The following EML6 variants were observed in gnomAD, a reference collection of about 807,000 sequenced individuals.
EML6 encodes the protein echinoderm microtubule-associated protein-like 6.
EML6 carries 154 observed loss-of-function variants against 240.1 expected under a neutral mutation model. The observed-to-expected ratio is 0.64, with a 90% CI of 0.56 to 0.73. EML6 has a LOEUF of 0.73. Ranked by LOEUF, EML6 falls within the 30% of genes least tolerant of loss-of-function variation. The pLI, the probability that EML6 is intolerant of heterozygous loss-of-function variation, is 0.00. For missense variants in EML6, 2,964 were observed against 2,474.6 expected (o/e 1.20, Z -4.20); for synonymous variants, 1,148 against 899.0 (o/e 1.28, Z -4.95).
intron 28 of EML6, among the ~76,000 whole-genome samples, chr2:54,934,551 T>A (rs1444989114): frequency 2.0e-5 from 3 of 151,912 alleles, no homozygotes; most frequent in Non-Finnish European, 4.4e-5. Context: ...CATATATATA[T>A]ATTTATATTT....
In EML6 at chr2:54,834,312, C is replaced by T. The variant is rs568822617; in HGVS notation, c.847+4835C>T. On this transcript the variant is annotated intron_variant, in intron 7 of 41. Transcript: ENST00000356458. ...ATCACTTTTAAAACACATTTATGAT[C>T]TGGGTAAAATAATGAAGCTTGAGTA... 2.0e-5 allele frequency among the ~76,000 whole-genome samples: 3 copies of T among 152,236 alleles called. No homozygotes were observed. In the South Asian group the frequency reaches 6.2e-4, roughly 32 times the overall value.
At chr2:54,916,073 A>C (rs1673894202) in intron 25 of EML6, among the ~76,000 whole-genome samples, 1 of 152,256 alleles carries the variant, frequency 6.6e-6, no homozygotes, top group South Asian at 2.1e-4. Context: ...GATTCATGGC[A>C]ATAGAATATG....
intron 9 of EML6, among the ~76,000 whole-genome samples, chr2:54,848,452 C>T (rs1669888051): frequency 6.6e-6 from 1 of 151,364 alleles, no homozygotes; most frequent in African/African-American, 2.4e-5. Context: ...TTTTCTTTCT[C>T]TGCTTAGTGA....
At position 54,892,318 on chromosome 2, in the gene EML6, G is replaced by A. The variant is rs916929688; in HGVS notation, c.2540-136G>A. On this transcript the variant is annotated intron_variant, in intron 18 of 41. Coordinates refer to ENST00000356458, the MANE Select transcript of EML6 (RefSeq NM_001039753.4). ...TTCTTAGAATATTTTTGTTCATGAT[G>A]TTCTCTGTCACTTTTAGACATCTTT... 135 of 631,760 alleles carry A rather than the reference G, an allele frequency of 2.1e-4. 1 individual carries two copies. Among genetic ancestry groups the A allele is most frequent in the Non-Finnish European group, 3.4e-4 (122 of 354,380 alleles). 39.1% of individuals were successfully genotyped at this position (631,760 alleles called of 1,614,324 possible).
At chr2:54,963,701 G>A (rs192070324) in intron 36 of EML6, among the ~76,000 whole-genome samples, 6 of 152,334 alleles carry the variant, frequency 3.9e-5, no homozygotes, top group Non-Finnish European at 7.3e-5. Flanking sequence ...GTGAGTAGTT[G>A]CGACAGAGAC....
chr2:54,955,231 A>C (rs918731502), intron 32 of EML6, among the ~76,000 whole-genome samples: 2 of 152,200 alleles, frequency 1.3e-5, no homozygotes, highest in Non-Finnish European at 2.9e-5. Flanking sequence ...TGTGATGTCA[A>C]GTGGCCAACT....
intron 26 of EML6, among the ~76,000 whole-genome samples, chr2:54,924,201 A>G (rs529951308): frequency 6.6e-6 from 1 of 152,320 alleles, no homozygotes. Context: ...ACCTTTTTCC[A>G]AAGTTGTATC....
chr2:54,827,911 A>G (rs1211841635), intron 6 of EML6, among the ~76,000 whole-genome samples, 160 bp downstream of exon 6: 2 of 152,218 alleles, frequency 1.3e-5, no homozygotes, highest in East Asian at 3.8e-4. Context: ...CACCTAAAGG[A>G]AAATATATTT....
intron 2 of EML6, among the ~76,000 whole-genome samples, chr2:54,779,865 GA>G (rs3036161): frequency 0.28 from 32,055 of 113,462 alleles, 4,403 homozygotes; most frequent in East Asian, 0.5. Context: ...CAAAAAAAAA[GA>G]AAAAAAAAAA....
chr2:54,894,091 TA>T (rs890731227), intron 19 of EML6, among the ~76,000 whole-genome samples: 1 of 151,998 alleles, frequency 6.6e-6, no homozygotes, highest in Non-Finnish European at 1.5e-5. Flanking sequence ...TATATAAGAA[TA>T]AGGATATTTA....
At chr2:54,880,807 C>T (rs537998520) in intron 17 of EML6, 18 of 152,182 alleles carry the variant, frequency 1.2e-4, no homozygotes, top group African/African-American at 4.3e-4. Flanking sequence ...GATAATATAC[C>T]ATCTGCCTTT....
chr2:54,861,122 A>G (rs1670648601), intron 12 of EML6, among the ~76,000 whole-genome samples: 2 of 152,186 alleles, frequency 1.3e-5, no homozygotes, highest in South Asian at 2.1e-4. Flanking sequence ...ATTTCCATCA[A>G]GGAGCTAACA....
chr2:54,810,785 GC>G, intron 2 of EML6, among the ~76,000 whole-genome samples: 1 of 152,234 alleles, frequency 6.6e-6, no homozygotes, highest in African/African-American at 2.4e-5. Context: ...ATGGAAGACA[GC>G]CCCTGCCCTC....
chr2:54,829,250 A>T, intron 6 of EML6, 92 bp from the exon 7 acceptor site: 2 of 1,275,932 alleles, frequency 1.6e-6, no homozygotes, highest in Non-Finnish European at 2.1e-6. Flanking sequence ...TTTGTTTTTG[A>T]CTTGCTATGT....
At chr2:54,792,227 A>G (rs571558382) in intron 2 of EML6, among the ~76,000 whole-genome samples, 11 of 152,306 alleles carry the variant, frequency 7.2e-5, no homozygotes, top group Non-Finnish European at 1.5e-4. Flanking sequence ...TGTTGGGCAG[A>G]ATGAAAAATG....
chr2:54,833,308 T>C (rs1439895280), intron 7 of EML6, among the ~76,000 whole-genome samples: 1 of 152,258 alleles, frequency 6.6e-6, no homozygotes, highest in Non-Finnish European at 1.5e-5. Flanking sequence ...CCAAGTTGTT[T>C]AATGGAAATC....
rs567478400 is a variant in EML6, at chr2:54,854,677, C to G, written c.1657+822C>G. ...CAATCAGAAAGTCATTTTCAGCTAA[C>G]TGGCAGTTTTGAAGCAGTGACAGTT... On this transcript the variant is annotated intron_variant, in intron 11 of 41. Transcript: ENST00000356458. 7.9e-5 allele frequency among the ~76,000 whole-genome samples: 12 copies of G among 152,358 alleles called. 2 individuals are homozygous for G. Among genetic ancestry groups the G allele is most frequent in the African/African-American group, 2.2e-4 (9 of 41,592 alleles).
At chr2:54,884,441 T>G (rs1433476515) in intron 17 of EML6, among the ~76,000 whole-genome samples, 1 of 152,172 alleles carries the variant, frequency 6.6e-6, no homozygotes, top group Non-Finnish European at 1.5e-5. Flanking sequence ...GCAACTTATC[T>G]TTTGATCCCT....
At chr2:54,740,264 A>G (rs1482226926) in intron 2 of EML6, among the ~76,000 whole-genome samples, 1 of 152,148 alleles carries the variant, frequency 6.6e-6, no homozygotes, top group Non-Finnish European at 1.5e-5. Flanking sequence ...ACTTTGAGAA[A>G]GATCAACTTT....
Sources: allele counts gnomAD v4.1 joint callset (sites outside exome capture counted in the v4.1 genomes callset), GRCh38; gene constraint gnomAD v4.1.1; transcripts MANE v1.5; gene names NCBI Gene and HGNC (gene_info 2026-07-23, HGNC 2026-07-21).